The following CCDC158 variants were observed in gnomAD, a reference collection of about 807,000 sequenced individuals.
The protein encoded by CCDC158 is coiled-coil domain containing 158, also known as coiled-coil domain-containing protein 158.
A neutral mutation model predicts 138.6 loss-of-function variants in CCDC158; 116 were observed. The ratio of observed to expected loss-of-function variants is 0.84; its 90% CI spans 0.72 to 0.98. The LOEUF (loss-of-function observed/expected upper bound fraction) is 0.98. Among genes scored for constraint, CCDC158 ranks in the 50% least tolerant of loss-of-function variants. The pLI is 0.00. For synonymous variants in CCDC158, 436 were observed against 442.4 expected (o/e 0.99, Z 0.18); for missense variants, 1,265 against 1,306.1 (o/e 0.97, Z 0.48).
intron 24 of CCDC158, among the ~76,000 whole-genome samples, chr4:76,321,729 G>A (rs958097222): frequency 1.4e-5 from 2 of 143,478 alleles, no homozygotes; most frequent in African/African-American, 5.1e-5. Flanking sequence ...TATTTACATG[G>A]TGTGTACACA....
chr4:76,379,379 TAG>T lies in CCDC158; in HGVS notation c.938_939del (p.Ser313TyrfsTer19). On this transcript the variant is annotated frameshift_variant, in exon 9 of 25. Transcript: ENST00000682701. LOFTEE classifies it high-confidence loss of function. ...IIQEQARNQN[S>X]MYMRQLSDLE... Reference sequence around the variant, plus strand: ...AGATCGCTGAGCTGACGCATATACATAGAGTTTTGGTTTCTTGCTTGCTCTCT... The same window carrying T: ...AGATCGCTGAGCTGACGCATATACATAGTTTTGGTTTCTTGCTTGCTCTCT... The T allele has an allele frequency of 3.7e-6, 6 of 1,604,576 alleles. No homozygotes were observed. Among genetic ancestry groups the T allele is most frequent in the Non-Finnish European group, 4.2e-6 (5 of 1,176,714 alleles).
At chr4:76,340,485 C>T (rs1312372424) in intron 18 of CCDC158, among the ~76,000 whole-genome samples, 2 of 152,182 alleles carry the variant, frequency 1.3e-5, no homozygotes, top group Non-Finnish European at 2.9e-5. Flanking sequence ...TTCAAATCTC[C>T]CTATATTCTG....
rs769007352 is a variant in CCDC158, at chr4:76,353,244, C to T, written c.2324G>A (p.Ser775Asn). ...TGTGGCAACAGTACTCAATTCCTGA[C>T]TGAGTTTACTTTTCTCTTCTTTCAG... ...HFLKEEKSKLSQELSTVATEK... is the reference protein window; with the variant it reads ...HFLKEEKSKLNQELSTVATEK... The change falls in exon 16 of 25, where the codon AGT becomes AAT. Residue 775 changes from serine (S) to asparagine (N), a missense_variant. Transcript: ENST00000682701. 6.2e-7 allele frequency: 1 copy of T among 1,610,888 alleles called. No individual in the cohort carries two copies. The highest frequency in any genetic ancestry group is 8.5e-7 in the Non-Finnish European group (1 of 1,178,866).
intron 2 of CCDC158, among the ~76,000 whole-genome samples, chr4:76,407,503 CAAG>C (rs2109887578): frequency 1.3e-5 from 2 of 152,154 alleles, no homozygotes; most frequent in South Asian, 4.1e-4. Context: ...ATGCTGTGTA[CAAG>C]AAGGATGCCT....
chr4:76,418,585 T>C (rs887146881), intron 1 of CCDC158, among the ~76,000 whole-genome samples: 6 of 152,104 alleles, frequency 3.9e-5, no homozygotes, highest in Non-Finnish European at 7.4e-5. Context: ...CTCACGATCA[T>C]GGAGGAAGAG....
At chr4:76,315,771 G>A (rs575612313) in intron 24 of CCDC158, among the ~76,000 whole-genome samples, 12 of 152,254 alleles carry the variant, frequency 7.9e-5, no homozygotes, top group African/African-American at 2.4e-4. Context: ...GCTGGGAGAC[G>A]TGAAGATGAA....
intron 9 of CCDC158, among the ~76,000 whole-genome samples, chr4:76,377,299 T>C (rs1245997373): frequency 1.3e-5 from 2 of 152,240 alleles, no homozygotes; most frequent in Non-Finnish European, 2.9e-5. Context: ...TATTTAGTAC[T>C]TTGCGGCTTT....
intron 4 of CCDC158, among the ~76,000 whole-genome samples, chr4:76,395,877 T>C (rs912007893): frequency 6.6e-6 from 1 of 152,198 alleles, no homozygotes; most frequent in Non-Finnish European, 1.5e-5. Flanking sequence ...TATACACACA[T>C]ATCTAAAAAC....
intron 9 of CCDC158, among the ~76,000 whole-genome samples, chr4:76,378,557 G>T (rs1196914288): frequency 6.6e-6 from 1 of 152,200 alleles, no homozygotes; most frequent in African/African-American, 2.4e-5. Context: ...GCTAGCGGGT[G>T]TAAACCGAGA....
intron 23 of CCDC158, 103 bp from the exon 24 acceptor site, chr4:76,323,512 A>T: frequency 1.2e-6 from 1 of 843,346 alleles, no homozygotes; most frequent in Non-Finnish European, 1.8e-6. Flanking sequence ...AAATAAAGGG[A>T]ACTTTTTTTC....
intron 9 of CCDC158, among the ~76,000 whole-genome samples, chr4:76,373,732 C>T (rs1294226940): frequency 6.6e-6 from 1 of 152,052 alleles, no homozygotes; most frequent in African/African-American, 2.4e-5. Flanking sequence ...TCCCATTTAC[C>T]TACAGAAATC....
At chr4:76,322,846 C>T (rs1171009085) in intron 24 of CCDC158, among the ~76,000 whole-genome samples, 1 of 152,042 alleles carries the variant, frequency 6.6e-6, no homozygotes, top group Non-Finnish European at 1.5e-5. Context: ...TTTTGTGATT[C>T]GTTGGGTGGC....
At position 76,357,450 on chromosome 4, in the gene CCDC158, C is replaced by A; in HGVS notation, c.2097G>T (p.Met699Ile). The stretch of plus-strand genomic sequence containing the variant: ...GTTCAGACTGTGCAGATTTTAATTG[C>A]ATTTTCAACTTATTTGTAGTCATTT... ...EMEMTTNKLK[M>I]QLKSAQSELE... Residue 699 changes from methionine to isoleucine, a missense_variant, in exon 14 of 25, where the codon ATG (methionine) becomes ATT (isoleucine). Met to Ile is a conservative substitution (Grantham distance 10, BLOSUM62 1). Coordinates refer to ENST00000682701, the MANE Select transcript of CCDC158 (RefSeq NM_001394954.1). 1 of 1,604,450 alleles carries A rather than the reference C, an allele frequency of 6.2e-7. No homozygotes were observed. The highest frequency in any genetic ancestry group is 1.1e-5 in the South Asian group (1 of 88,622).
chr4:76,362,104 G>A, intron 13 of CCDC158, 22 bp downstream of exon 13: 1 of 1,604,518 alleles, frequency 6.2e-7, no homozygotes, highest in Non-Finnish European at 8.5e-7. Flanking sequence ...TTTTTAGTAG[G>A]ATTTGTGCTG....
rs148634410 is a variant in CCDC158, at chr4:76,406,259, C to T, written c.-73-2979G>A. 2.8e-3 allele frequency among the ~76,000 whole-genome samples: 421 copies of T among 152,272 alleles called. 2 individuals are homozygous for T. Among genetic ancestry groups the T allele is most frequent in the African/African-American group, 9.2e-3 (382 of 41,564 alleles). On this transcript the variant is annotated intron_variant, in intron 2 of 24. Coordinates refer to ENST00000682701, the MANE Select transcript of CCDC158 (RefSeq NM_001394954.1). ...ATTAACTAAAACAAATTGCAGTGCA[C>T]TTGAAGTTAAAAGCCACATTGCACA... is the stretch of plus-strand genomic sequence containing the variant.
chr4:76,313,104 C>T lies in CCDC158; in HGVS notation c.*66G>A. The T allele has an allele frequency of 2.1e-6, 2 of 968,976 alleles. No homozygotes were observed. The highest frequency in any genetic ancestry group is 1.7e-5 in the African/African-American group (1 of 60,182). 60.0% of individuals were successfully genotyped at this position (968,976 alleles called of 1,614,324 possible). A position where few individuals can be genotyped will look rare whatever the true frequency, so the allele number is the denominator to read the frequency against. ...ATAAAAAGAAAAAGTACACAGGGCA[C>T]TAATTACGAGTAACACCACAATTAA... On this transcript the variant is annotated 3_prime_UTR_variant, in exon 25 of 25. Coordinates refer to ENST00000682701, the MANE Select transcript of CCDC158 (RefSeq NM_001394954.1).
intron 18 of CCDC158, among the ~76,000 whole-genome samples, chr4:76,347,097 A>C (rs999932102): frequency 1.3e-5 from 2 of 152,234 alleles, no homozygotes; most frequent in African/African-American, 4.8e-5. Flanking sequence ...AATTAGTTCA[A>C]CCATTGTGGA....
chr4:76,368,176 G>C (rs1358528095), intron 11 of CCDC158, among the ~76,000 whole-genome samples: 1 of 152,150 alleles, frequency 6.6e-6, no homozygotes, highest in East Asian at 1.9e-4. Flanking sequence ...CTAGAGTGCA[G>C]TCTTGGGAAG....
intron 12 of CCDC158, among the ~76,000 whole-genome samples, chr4:76,364,375 T>G (rs1371752574): frequency 2.0e-5 from 3 of 151,640 alleles, no homozygotes; most frequent in Non-Finnish European, 4.4e-5. Flanking sequence ...TGTAGGTCTG[T>G]GTCGTCTAAC....
Sources: allele counts gnomAD v4.1 joint callset (sites outside exome capture counted in the v4.1 genomes callset), GRCh38; gene constraint gnomAD v4.1.1; transcripts MANE v1.5; gene names NCBI Gene and HGNC (gene_info 2026-07-23, HGNC 2026-07-21).